The following SATB2 variants were observed in gnomAD, a reference collection of about 807,000 sequenced individuals.
SATB2 encodes the protein SATB homeobox 2.
A neutral mutation model predicts 73.4 loss-of-function variants in SATB2; 1 was observed. The observed-to-expected ratio is 0.01, with a 90% CI of 0.00 to 0.06. The LOEUF (loss-of-function observed/expected upper bound fraction) is 0.06, where lower values mean the gene tolerates loss of function less well. SATB2 is among the 10% of genes least tolerant of loss of function. The probability of loss-of-function intolerance (pLI) is 1.00; values close to 1 mark genes in which losing one functional copy is unlikely to be tolerated. For synonymous variants in SATB2, 397 were observed against 367.0 expected (o/e 1.08, Z -0.93); for missense variants, 459 against 945.8 (o/e 0.49, Z 6.75).
intron 3 of SATB2, among the ~76,000 whole-genome samples, chr2:199,387,115 A>C (rs1426151414): frequency 1.3e-5 from 2 of 152,216 alleles, no homozygotes; most frequent in African/African-American, 4.8e-5. Flanking sequence ...TGGACTCAGC[A>C]TTCTACCTGG....
intron 3 of SATB2, among the ~76,000 whole-genome samples, chr2:199,420,637 C>T (rs1691136539): frequency 6.6e-6 from 1 of 152,138 alleles, no homozygotes. Context: ...CCAAGAGACT[C>T]AGACAAATTC....
At chr2:199,446,144 A>C (rs1001996279) in intron 2 of SATB2, among the ~76,000 whole-genome samples, 7 of 152,220 alleles carry the variant, frequency 4.6e-5, no homozygotes, top group Non-Finnish European at 1.0e-4. Context: ...CAAAAAACTT[A>C]AAACATGTTT....
chr2:199,445,908 T>C (rs933066870), intron 2 of SATB2, among the ~76,000 whole-genome samples: 5 of 152,142 alleles, frequency 3.3e-5, no homozygotes, highest in African/African-American at 1.2e-4. Context: ...ATGAAGACAA[T>C]TTATCATTGC....
chr2:199,434,221 A>C (rs898386869), intron 2 of SATB2, among the ~76,000 whole-genome samples: 1 of 152,130 alleles, frequency 6.6e-6, no homozygotes, highest in African/African-American at 2.4e-5. Context: ...CAAATACAAA[A>C]GTTTGCCTAT....
At chr2:199,343,547 TGTTA>T (rs1688565756) in intron 7 of SATB2, among the ~76,000 whole-genome samples, 3 of 152,312 alleles carry the variant, frequency 2.0e-5, no homozygotes, top group East Asian at 3.9e-4. Flanking sequence ...CCAGTCCGGC[TGTTA>T]GTGACTACAG....
At chr2:199,325,240 T>C (rs1687998874) in intron 8 of SATB2, 1 of 152,182 alleles carries the variant, frequency 6.6e-6, no homozygotes, top group African/African-American at 2.4e-5. Flanking sequence ...CCAGAAAGCA[T>C]TTTAACATTT....
chr2:199,426,594 A>C (rs1397353155), intron 3 of SATB2, among the ~76,000 whole-genome samples: 1 of 151,828 alleles, frequency 6.6e-6, no homozygotes, highest in Non-Finnish European at 1.5e-5. Flanking sequence ...ACCACGCCTG[A>C]ACCATTTTAA....
chr2:199,400,540 C>T (rs1281016235), intron 3 of SATB2, among the ~76,000 whole-genome samples: 9 of 152,032 alleles, frequency 5.9e-5, no homozygotes. Context: ...AGAGATGAAG[C>T]AAAAACCAGA....
intron 10 of SATB2, among the ~76,000 whole-genome samples, chr2:199,299,936 C>G (rs575693703): frequency 5.8e-4 from 88 of 152,222 alleles, no homozygotes; most frequent in Non-Finnish European, 1.1e-3. Context: ...CTACAAGTAC[C>G]TCAATTTTAG....
intron 3 of SATB2, chr2:199,397,775 G>C (rs1324036909): frequency 2.4e-6 from 1 of 424,502 alleles, no homozygotes; most frequent in African/African-American, 2.1e-5. Context: ...TGGATTTCCA[G>C]CTACTCCGGA....
intron 10 of SATB2, among the ~76,000 whole-genome samples, chr2:199,305,529 C>A (rs1018947693): frequency 6.6e-6 from 1 of 152,082 alleles, no homozygotes; most frequent in Non-Finnish European, 1.5e-5. Context: ...AATGTCTAAA[C>A]CTTTTGTGGG....
At chr2:199,434,999 T>C (rs1691610571) in intron 2 of SATB2, among the ~76,000 whole-genome samples, 2 of 152,160 alleles carry the variant, frequency 1.3e-5, no homozygotes, top group Non-Finnish European at 2.9e-5. Context: ...TCATTAAGAA[T>C]TGTTATCATT....
intron 3 of SATB2, among the ~76,000 whole-genome samples, chr2:199,412,662 A>C (rs1483224181): frequency 2.6e-5 from 4 of 152,200 alleles, no homozygotes; most frequent in Non-Finnish European, 5.9e-5. Flanking sequence ...TCCATATTAA[A>C]ACAATGTGGA....
intron 8 of SATB2, among the ~76,000 whole-genome samples, chr2:199,325,777 C>T (rs1395330634): frequency 6.6e-6 from 1 of 152,130 alleles, no homozygotes; most frequent in Non-Finnish European, 1.5e-5. Context: ...GTTCCCTCAT[C>T]TGTAAAATGG....
intron 10 of SATB2, among the ~76,000 whole-genome samples, chr2:199,290,555 C>T (rs552718407): frequency 1.1e-4 from 17 of 152,182 alleles, no homozygotes; most frequent in Admixed American, 2.0e-4. Context: ...CACTTATTAC[C>T]GAAAAGAGCT....
At chr2:199,411,394 G>T (rs1479100733) in intron 3 of SATB2, among the ~76,000 whole-genome samples, 1 of 152,094 alleles carries the variant, frequency 6.6e-6, no homozygotes, top group Non-Finnish European at 1.5e-5. Context: ...AAGAGGGAGA[G>T]AGTATTACCA....
intron 10 of SATB2, among the ~76,000 whole-genome samples, chr2:199,303,766 A>G (rs764032744): frequency 6.6e-6 from 1 of 152,144 alleles, no homozygotes; most frequent in Admixed American, 6.6e-5. Context: ...AAATGTTGAA[A>G]ATCGCCTGAG....
chr2:199,358,277 T>C (rs1383617591), intron 6 of SATB2, among the ~76,000 whole-genome samples: 1 of 152,100 alleles, frequency 6.6e-6, no homozygotes, highest in African/African-American at 2.4e-5. Flanking sequence ...ACTGGAGGTA[T>C]AAGGTCAATT....
At chr2:199,426,692 C>CAAAAAAAAAAA (rs200293007) in intron 3 of SATB2, among the ~76,000 whole-genome samples, 9 of 128,224 alleles carry the variant, frequency 7.0e-5, no homozygotes, top group East Asian at 2.2e-4. Context: ...CATTCTCTCT[C>CAAAAAAAAAAA]AAAAAAAAAA....
Sources: gnomAD v4.1 joint callset for allele counts (sites outside exome capture counted in the v4.1 genomes callset) on GRCh38, gnomAD v4.1.1 for gene constraint, MANE v1.5 for transcripts, NCBI Gene and HGNC (gene_info 2026-07-23, HGNC 2026-07-21) for gene names.